Variants in BTBD9 observed in about 807,000 individuals in gnomAD.
The protein encoded by BTBD9 is BTB/POZ domain-containing protein 9.
BTBD9 carries 49 observed loss-of-function variants against 64.3 expected under a neutral mutation model. The ratio of observed to expected loss-of-function variants is 0.76; its 90% CI spans 0.61 to 0.97. BTBD9 has a LOEUF of 0.97. Among genes scored for constraint, BTBD9 ranks in the 50% least tolerant of loss-of-function variants. The pLI is 0.00. For synonymous variants in BTBD9, 260 were observed against 274.7 expected, an observed-to-expected ratio of 0.95 and a Z score of 0.53; for missense variants, 598 against 762.1, an observed-to-expected ratio of 0.78 and a Z score of 2.53.
At position 38,580,297 on chromosome 6, in the gene BTBD9, G is replaced by A. The variant is rs1361502014; in HGVS notation, c.955C>T (p.Arg319Cys). Residue 319 changes from arginine to cysteine, a missense_variant, in exon 5 of 11, where the codon CGT (arginine) becomes TGT (cysteine). Coordinates refer to ENST00000481247, the MANE Select transcript of BTBD9 (RefSeq NM_001099272.2). ...CCTAGCTTAATCTCGATGCCGGAAC[G>A]GCAGTCATCATCAATTGGGTGCCTT... is the stretch of plus-strand genomic sequence containing the variant. ...FSRHPIDDDCRSGIEIKLGQP... is the reference protein window; with the variant it reads ...FSRHPIDDDCCSGIEIKLGQP... 18 of 1,614,002 alleles carry A rather than the reference G, an allele frequency of 1.1e-5. No individual in the cohort carries two copies. Among genetic ancestry groups the A allele is most frequent in the Middle Eastern group, 1.6e-4 (1 of 6,082 alleles).
At chr6:38,477,276 G>A (rs141950488) in intron 6 of BTBD9, among the ~76,000 whole-genome samples, 3 of 152,206 alleles carry the variant, frequency 2.0e-5, no homozygotes, top group African/African-American at 4.8e-5. Flanking sequence ...AAATGAAGTA[G>A]TTAAAAGACA....
At chr6:38,439,706 C>T (rs1388104572) in intron 6 of BTBD9, among the ~76,000 whole-genome samples, 14 of 152,154 alleles carry the variant, frequency 9.2e-5, no homozygotes, top group African/African-American at 1.9e-4. Flanking sequence ...AGATTACAGG[C>T]GTGAGCCACC....
intron 6 of BTBD9, among the ~76,000 whole-genome samples, chr6:38,485,646 C>A (rs1771361285): frequency 6.6e-6 from 1 of 152,130 alleles, no homozygotes; most frequent in Non-Finnish European, 1.5e-5. Context: ...ATTCAGGAAA[C>A]CATGCTGTAA....
At chr6:38,309,710 C>G (rs1762758260) in intron 7 of BTBD9, among the ~76,000 whole-genome samples, 1 of 151,830 alleles carries the variant, frequency 6.6e-6, no homozygotes, top group Non-Finnish European at 1.5e-5. Flanking sequence ...TGCGCCCAGC[C>G]TATTTAATAA....
chr6:38,445,355 C>T (rs569606877), intron 6 of BTBD9, among the ~76,000 whole-genome samples: 15 of 152,184 alleles, frequency 9.9e-5, no homozygotes, highest in Non-Finnish European at 1.9e-4. Flanking sequence ...TTTCTGTTGA[C>T]TATCCTCATA....
chr6:38,368,691 T>C (rs766768401), intron 6 of BTBD9, among the ~76,000 whole-genome samples: 4 of 152,128 alleles, frequency 2.6e-5, no homozygotes, highest in Non-Finnish European at 5.9e-5. Flanking sequence ...ATGAACCCCC[T>C]TCTTGCCCCC....
At chr6:38,630,576 G>T (rs1325822626) in intron 1 of BTBD9, among the ~76,000 whole-genome samples, 1 of 152,148 alleles carries the variant, frequency 6.6e-6, no homozygotes, top group African/African-American at 2.4e-5. Flanking sequence ...TGTGGTGAAG[G>T]TTATAAAAGA....
chr6:38,467,117 T>C (rs1259591927), intron 6 of BTBD9, among the ~76,000 whole-genome samples: 1 of 152,202 alleles, frequency 6.6e-6, no homozygotes, highest in African/African-American at 2.4e-5. Flanking sequence ...ATTTTCCTAT[T>C]TGTGGTCCTG....
At chr6:38,231,104 T>C (rs1050814477) in intron 9 of BTBD9, among the ~76,000 whole-genome samples, 10 of 152,198 alleles carry the variant, frequency 6.6e-5, no homozygotes. Flanking sequence ...ATGGTGAGAA[T>C]TATAGAATTG....
intron 9 of BTBD9, among the ~76,000 whole-genome samples, chr6:38,235,765 T>C (rs1317357521): frequency 6.6e-6 from 1 of 152,234 alleles, no homozygotes. Flanking sequence ...TCAAAGGTTT[T>C]CATATGTGAG....
intron 1 of BTBD9, among the ~76,000 whole-genome samples, chr6:38,608,274 T>C (rs1582711276): frequency 6.6e-6 from 1 of 152,298 alleles, no homozygotes; most frequent in East Asian, 1.9e-4. Context: ...TCAGCCTTAT[T>C]GGTCCCAAGC....
At chr6:38,324,744 G>A (rs191569678) in intron 7 of BTBD9, among the ~76,000 whole-genome samples, 127 of 152,328 alleles carry the variant, frequency 8.3e-4, no homozygotes, top group African/African-American at 2.8e-3. Flanking sequence ...CAATCTGGAA[G>A]TATGAAGCAA....
intron 6 of BTBD9, among the ~76,000 whole-genome samples, chr6:38,372,554 T>A (rs1252737225): frequency 1.3e-5 from 2 of 152,254 alleles, no homozygotes; most frequent in Non-Finnish European, 2.9e-5. Context: ...AAAACTCTTT[T>A]CATCCATATT....
chr6:38,606,477 A>T (rs1404947507), intron 1 of BTBD9, among the ~76,000 whole-genome samples: 1 of 151,624 alleles, frequency 6.6e-6, no homozygotes, highest in Non-Finnish European at 1.5e-5. Flanking sequence ...TAAAGATTTT[A>T]TAAGAAAGTG....
At chr6:38,251,863 G>T (rs1764414980) in intron 9 of BTBD9, among the ~76,000 whole-genome samples, 1 of 148,916 alleles carries the variant, frequency 6.7e-6, no homozygotes, top group African/African-American at 2.5e-5. Context: ...CTGCACTCCA[G>T]CTTGGGTGAC....
rs1233612428 is a variant in BTBD9 at position 38,353,158 on chromosome 6, T to A, written c.1155-8065A>T. Among the ~76,000 whole-genome samples, 3 of 152,182 alleles carry A rather than the reference T, an allele frequency of 2.0e-5. No individual in the cohort carries two copies. The East Asian group carries it at 5.8e-4, about 29-fold the overall frequency. On this transcript the variant is annotated intron_variant, in intron 6 of 10. Coordinates refer to ENST00000481247, the MANE Select transcript of BTBD9 (RefSeq NM_001099272.2). ...AACACGGCTATAATGTAAATGAGTC[T>A]AAGGTGTAAACATAGTACACCTATT...
intron 6 of BTBD9, among the ~76,000 whole-genome samples, chr6:38,507,276 C>A (rs1772566868): frequency 1.3e-5 from 2 of 152,188 alleles, no homozygotes; most frequent in Admixed American, 6.5e-5. Context: ...GGACTGGGAT[C>A]TATTCTCAGC....
intron 7 of BTBD9, among the ~76,000 whole-genome samples, chr6:38,298,178 G>T (rs1201702019): frequency 6.6e-6 from 1 of 151,860 alleles, no homozygotes. Flanking sequence ...TCTAAGAATG[G>T]ATAGATTATT....
chr6:38,326,244 T>G (rs1037870601), intron 7 of BTBD9, among the ~76,000 whole-genome samples: 2 of 152,088 alleles, frequency 1.3e-5, no homozygotes, highest in African/African-American at 4.8e-5. Context: ...GGTCAGAGAA[T>G]GAATGGTGTA....
Sources: gnomAD v4.1 joint callset for allele counts (sites outside exome capture counted in the v4.1 genomes callset) on GRCh38, gnomAD v4.1.1 for gene constraint, MANE v1.5 for transcripts, NCBI Gene and HGNC (gene_info 2026-07-23, HGNC 2026-07-21) for gene names.